CLDN1: variants seen among roughly 807,000 people sequenced by gnomAD.
CLDN1 encodes the protein claudin-1.
In CLDN1, 12 loss-of-function variants were observed where a neutral mutation model predicts 22.6. The ratio of observed to expected loss-of-function variants is 0.53; its 90% CI spans 0.34 to 0.86. The LOEUF (loss-of-function observed/expected upper bound fraction) is 0.86, where lower values mean the gene tolerates loss of function less well. CLDN1 is among the 40% of genes least tolerant of loss of function. The pLI is 0.02. For synonymous variants in CLDN1, 99 were observed against 103.8 expected (o/e 0.95, Z 0.28); for missense variants, 250 against 269.5 (o/e 0.93, Z 0.51).
In CLDN1 at chr3:190,308,550, C is replaced by A. The variant is rs553167459; in HGVS notation, c.474-111G>T. ...ATTGTATTTTTTTCATTGAAAATAACCCCTGAATATCCCTTGGGAAGTACT... is the reference window on the plus strand; with the variant it reads ...ATTGTATTTTTTTCATTGAAAATAAACCCTGAATATCCCTTGGGAAGTACT... On this transcript the variant is annotated intron_variant, in intron 3 of 3. Coordinates refer to ENST00000295522, the MANE Select transcript of CLDN1 (RefSeq NM_021101.5). 10 of 1,005,448 alleles carry A rather than the reference C, an allele frequency of 9.9e-6. No individual in the cohort carries two copies. The African/African-American group carries it at 1.5e-4, about 15-fold the overall frequency. 62.3% of individuals were successfully genotyped at this position (1,005,448 alleles called of 1,614,324 possible).
intron 2 of CLDN1, 45 bp downstream of exon 2, chr3:190,312,827 C>A (rs534571535): frequency 9.4e-6 from 15 of 1,603,472 alleles, no homozygotes; most frequent in Non-Finnish European, 1.2e-5. Flanking sequence ...CAAATCATAC[C>A]AGGAACAGGT....
At chr3:190,317,490 T>G (rs527409758) in intron 1 of CLDN1, among the ~76,000 whole-genome samples, 1 of 152,320 alleles carries the variant, frequency 6.6e-6, no homozygotes, top group Admixed American at 6.5e-5. Flanking sequence ...ACACTTAGGT[T>G]AATCAACAAA....
In CLDN1 at chr3:190,322,266, C is replaced by A. The variant is rs534195664; in HGVS notation, c.-60G>T. Reference sequence around the variant, plus strand: ...GCAGGTGCAGAAGGCGGAGAGTTTGCAGGTGGGCAACCCGGACTCCCGAAG... The same window carrying A: ...GCAGGTGCAGAAGGCGGAGAGTTTGAAGGTGGGCAACCCGGACTCCCGAAG... On this transcript the variant is annotated 5_prime_UTR_variant, in exon 1 of 4. Coordinates refer to ENST00000295522, the MANE Select transcript of CLDN1 (RefSeq NM_021101.5). The A allele has an allele frequency of 5.3e-6, 8 of 1,496,026 alleles. No individual in the cohort carries two copies. The African/African-American group carries it at 5.5e-5, about 10-fold the overall frequency. 92.7% of individuals were successfully genotyped at this position (1,496,026 alleles called of 1,614,324 possible).
Position 190,318,668 on chromosome 3 carries a change from C to T in CLDN1, c.223+3316G>A, listed in dbSNP as rs3774020. Among the ~76,000 whole-genome samples the T allele has an allele frequency of 3.7e-4, 57 of 152,322 alleles. No homozygotes were observed. The East Asian group carries it at 9.4e-3, about 25-fold the overall frequency. On this transcript the variant is annotated intron_variant, in intron 1 of 3. Transcript: ENST00000295522. ...AAGCCTGGATTTTTGCTTCAACTTCCATTATTCTAAGAGTCAGAACTAATT... is the reference window on the plus strand; with the variant it reads ...AAGCCTGGATTTTTGCTTCAACTTCTATTATTCTAAGAGTCAGAACTAATT...
rs1032450055 is a variant in CLDN1 at position 190,322,195 on chromosome 3, C to G, written c.12G>C (p.Ala4=). Residue 4 remains alanine (A), a synonymous_variant, in exon 1 of 4, where the codon GCG becomes GCC. Coordinates refer to ENST00000295522, the MANE Select transcript of CLDN1 (RefSeq NM_021101.5). Reference sequence around the variant, plus strand: ...GAATGAAGCCCAACAGCTGCAGCCCCGCGTTGGCCATGACTCGCTCGGGCG... The same window carrying G: ...GAATGAAGCCCAACAGCTGCAGCCCGGCGTTGGCCATGACTCGCTCGGGCG... The part of the protein sequence containing the change: MAN[A]GLQLLGFILA... 1 of 1,613,820 alleles carries G rather than the reference C, an allele frequency of 6.2e-7. No individual in the cohort carries two copies.
rs1223184195 is a variant in CLDN1, at chr3:190,322,371, T to TGGGGTC, written c.-171_-166dup. 1 of 679,090 alleles carries TGGGGTC rather than the reference T, an allele frequency of 1.5e-6. No homozygotes were observed. Among genetic ancestry groups the TGGGGTC allele is most frequent in the East Asian group, 2.7e-5 (1 of 36,828 alleles). The allele number at this position is 679,090 out of a possible 1,614,324, so 42.1% of individuals were successfully genotyped here. On this transcript the variant is annotated 5_prime_UTR_variant, in exon 1 of 4. Coordinates refer to ENST00000295522, the MANE Select transcript of CLDN1 (RefSeq NM_021101.5). Reference sequence around the variant, plus strand: ...CGCTGGAGAAGCTCTGGGTCGGGGTTGGGGTCCGCGCCCGGGGCGGCGCTG... The same window carrying TGGGGTC: ...CGCTGGAGAAGCTCTGGGTCGGGGTTGGGGTCGGGGTCCGCGCCCGGGGCGGCGCTG...
At position 190,307,026 on chromosome 3, in the gene CLDN1, A is replaced by T. The variant is rs916922738; in HGVS notation, c.*1251T>A. 4 of 152,666 alleles carry T rather than the reference A, an allele frequency of 2.6e-5. No homozygotes were observed. The highest frequency in any genetic ancestry group is 9.6e-5 in the African/African-American group (4 of 41,468). 9.5% of individuals were successfully genotyped at this position (152,666 alleles called of 1,614,324 possible). On this transcript the variant is annotated 3_prime_UTR_variant, in exon 4 of 4. Coordinates refer to ENST00000295522, the MANE Select transcript of CLDN1 (RefSeq NM_021101.5). ...TCTTCAGTGTCTCAGCCAGCTGAGC[A>T]AATAAAGACACTACATAGGCATAGT...
intron 2 of CLDN1, among the ~76,000 whole-genome samples, chr3:190,310,564 T>C (rs1489740554): frequency 6.6e-6 from 1 of 152,246 alleles, no homozygotes; most frequent in Non-Finnish European, 1.5e-5. Flanking sequence ...TATGCTGTTA[T>C]ACATTAGGAT....
Position 190,322,442 on chromosome 3 carries a change from G to GACC in CLDN1, c.-237_-236insGGT, listed in dbSNP as rs1716955770. The GACC allele has an allele frequency of 3.5e-6, 2 of 576,722 alleles. No homozygotes were observed. Among genetic ancestry groups the GACC allele is most frequent in the Admixed American group, 3.0e-5 (1 of 33,258 alleles). The allele number at this position is 576,722 out of a possible 1,614,324, so 35.7% of individuals were successfully genotyped here. ...GCGGTTGCTCCCAGGCTCGGGAACT[G>GACC]AGACGCAGAACCGCTGGGCGCCGCG... is the stretch of plus-strand genomic sequence containing the variant. On this transcript the variant is annotated 5_prime_UTR_variant, in exon 1 of 4. Coordinates refer to ENST00000295522, the MANE Select transcript of CLDN1 (RefSeq NM_021101.5).
rs183336872 is a variant in CLDN1, at chr3:190,311,093, A to C, written c.389-840T>G. ...TGGTCCAATGTAATTGCCTCTAGAC[A>C]TGACAGAAAACACTATTGCTTTTGG... On this transcript the variant is annotated intron_variant, in intron 2 of 3. Transcript: ENST00000295522. Among the ~76,000 whole-genome samples the C allele has an allele frequency of 6.6e-5, 10 of 152,344 alleles. No individual in the cohort carries two copies. In the East Asian group the frequency reaches 1.7e-3, roughly 26 times the overall value.
chr3:190,319,499 C>A (rs566549401), intron 1 of CLDN1, among the ~76,000 whole-genome samples: 1 of 152,264 alleles, frequency 6.6e-6, no homozygotes, highest in Admixed American at 6.5e-5. Context: ...ACACTATTAG[C>A]ACACTGTATT....
intron 3 of CLDN1, 95 bp downstream of exon 3, chr3:190,310,074 C>T (rs1716571027): frequency 2.0e-6 from 2 of 1,010,164 alleles, no homozygotes; most frequent in South Asian, 1.3e-5. Flanking sequence ...TTCTTGAAAG[C>T]AAATCTGGGA....
intron 1 of CLDN1, among the ~76,000 whole-genome samples, chr3:190,318,375 C>G (rs1716825446): frequency 6.6e-6 from 1 of 152,214 alleles, no homozygotes; most frequent in South Asian, 2.1e-4. Context: ...TCTTCCCCTT[C>G]AATCACTGAA....
chr3:190,310,064 T>C (rs1316738303), intron 3 of CLDN1, 105 bp downstream of exon 3: 2 of 909,706 alleles, frequency 2.2e-6, no homozygotes, highest in East Asian at 5.0e-5. Flanking sequence ...TGACATAAAA[T>C]TCTTGAAAGC....
At chr3:190,313,592 A>C (rs1397654631) in intron 1 of CLDN1, among the ~76,000 whole-genome samples, 1 of 152,202 alleles carries the variant, frequency 6.6e-6, no homozygotes, top group Non-Finnish European at 1.5e-5. Flanking sequence ...ATCTCCAGTG[A>C]TGTGAATAGG....
intron 1 of CLDN1, among the ~76,000 whole-genome samples, chr3:190,318,717 T>C (rs879250830): frequency 6.6e-6 from 1 of 152,210 alleles, no homozygotes; most frequent in Non-Finnish European, 1.5e-5. Flanking sequence ...TGAACACCAA[T>C]GGCCCTTCGA....
At chr3:190,320,413 G>C (rs1716888489) in intron 1 of CLDN1, among the ~76,000 whole-genome samples, 1 of 152,036 alleles carries the variant, frequency 6.6e-6, no homozygotes, top group South Asian at 2.1e-4. Flanking sequence ...TTTCCATGGA[G>C]AAATTCAATA....
At position 190,308,231 on chromosome 3, in the gene CLDN1, C is replaced by T. The variant is rs1239321827; in HGVS notation, c.*46G>A. 2 of 1,605,560 alleles carry T rather than the reference C, an allele frequency of 1.2e-6. No individual in the cohort carries two copies. The highest frequency in any genetic ancestry group is 1.7e-6 in the Non-Finnish European group (2 of 1,172,814). ...AATGTTAATGATAGTATCTCAATGT[C>T]CATTTTCGGTTTGTTTCAACATGAT... On this transcript the variant is annotated 3_prime_UTR_variant, in exon 4 of 4. Coordinates refer to ENST00000295522, the MANE Select transcript of CLDN1 (RefSeq NM_021101.5).
chr3:190,317,559 A>C (rs1398652596), intron 1 of CLDN1, among the ~76,000 whole-genome samples: 2 of 152,244 alleles, frequency 1.3e-5, no homozygotes, highest in African/African-American at 4.8e-5. Flanking sequence ...TTGCTACACA[A>C]GTAGTAGAAT....
Sources: allele counts gnomAD v4.1 joint callset (sites outside exome capture counted in the v4.1 genomes callset), GRCh38; gene constraint gnomAD v4.1.1; transcripts MANE v1.5; gene names NCBI Gene and HGNC (gene_info 2026-07-23, HGNC 2026-07-21).